Variants in SIK3 observed in about 807,000 individuals in gnomAD.
The protein encoded by SIK3 is SIK family kinase 3.
A neutral mutation model predicts 144.2 loss-of-function variants in SIK3; 28 were observed. The observed-to-expected ratio is 0.19, with a 90% CI of 0.14 to 0.27. The LOEUF (loss-of-function observed/expected upper bound fraction) is 0.27, where lower values mean the gene tolerates loss of function less well. Ranked by LOEUF, SIK3 falls within the 10% of genes least tolerant of loss-of-function variation. SIK3 has a pLI of 1.00. For synonymous variants in SIK3, 686 were observed against 676.3 expected (o/e 1.01, Z -0.22); for missense variants, 1,319 against 1,776.0 (o/e 0.74, Z 4.62).
chr11:116,880,984 TGTGGTGGTAC>T (rs1247140161), intron 6 of SIK3, among the ~76,000 whole-genome samples: 1 of 151,562 alleles, frequency 6.6e-6, no homozygotes, highest in Non-Finnish European at 1.5e-5. Flanking sequence ...ATTAGCTGGG[TGTGGTGGTAC>T]ACACCTGTAA....
intron 1 of SIK3, among the ~76,000 whole-genome samples, chr11:116,960,923 G>C (rs1949324160): frequency 6.6e-6 from 1 of 152,224 alleles, no homozygotes; most frequent in Non-Finnish European, 1.5e-5. Context: ...TCCTGGATCT[G>C]AAACACATCA....
At chr11:117,009,490 G>A (rs1951172739) in intron 1 of SIK3, among the ~76,000 whole-genome samples, 1 of 151,800 alleles carries the variant, frequency 6.6e-6, no homozygotes, top group South Asian at 2.1e-4. Flanking sequence ...AGCCCAGGAG[G>A]TTGAGGCTGC....
chr11:116,884,367 T>TG (rs1264069583), intron 6 of SIK3, among the ~76,000 whole-genome samples: 1 of 150,026 alleles, frequency 6.7e-6, no homozygotes, highest in East Asian at 2.0e-4. Context: ...TTTTTTTTTT[T>TG]GATGGAGTCT....
intron 1 of SIK3, among the ~76,000 whole-genome samples, chr11:117,075,647 T>C (rs1236929240): frequency 6.6e-6 from 1 of 150,456 alleles, no homozygotes; most frequent in African/African-American, 2.4e-5. Context: ...GTTCACGCCA[T>C]TCTCCTGCTT....
intron 1 of SIK3, among the ~76,000 whole-genome samples, chr11:117,012,398 C>G (rs139787674): frequency 5.6e-4 from 86 of 152,310 alleles, no homozygotes; most frequent in Non-Finnish European, 1.1e-3. Flanking sequence ...GAACTAGAAT[C>G]TTCATTACAC....
intron 2 of SIK3, 49 bp from the exon 3 acceptor site, chr11:116,954,156 G>C (rs765138353): frequency 5.5e-6 from 8 of 1,464,242 alleles, no homozygotes; most frequent in African/African-American, 1.4e-5. Context: ...ATGACAGGCT[G>C]ATACAGGAAG....
At chr11:117,082,359 G>A (rs571348909) in intron 1 of SIK3, among the ~76,000 whole-genome samples, 1 of 135,920 alleles carries the variant, frequency 7.4e-6, no homozygotes, top group Admixed American at 7.0e-5. Flanking sequence ...ATTCATAATC[G>A]CCAATAAGTA....
chr11:116,958,324 T>C (rs1312646238), intron 1 of SIK3, among the ~76,000 whole-genome samples: 1 of 152,224 alleles, frequency 6.6e-6, no homozygotes, highest in African/African-American at 2.4e-5. Flanking sequence ...TAACTTTATC[T>C]GAAGCTGTTT....
At chr11:117,083,562 T>C (rs941446583) in intron 1 of SIK3, among the ~76,000 whole-genome samples, 2 of 152,188 alleles carry the variant, frequency 1.3e-5, no homozygotes, top group African/African-American at 4.8e-5. Flanking sequence ...ACTAAAAACA[T>C]TATTTTGAGA....
intron 6 of SIK3, among the ~76,000 whole-genome samples, chr11:116,892,261 G>A (rs914318153): frequency 6.6e-6 from 1 of 152,144 alleles, no homozygotes; most frequent in South Asian, 2.1e-4. Context: ...AATAAGTCTG[G>A]TAGAGAAGAT....
intron 1 of SIK3, among the ~76,000 whole-genome samples, chr11:117,094,393 C>A (rs1370963142): frequency 6.6e-6 from 1 of 151,904 alleles, no homozygotes; most frequent in Non-Finnish European, 1.5e-5. Context: ...TCACTTGAGT[C>A]CAGAAGTTCA....
At chr11:117,021,958 A>C (rs1162052588) in intron 1 of SIK3, among the ~76,000 whole-genome samples, 3 of 147,260 alleles carry the variant, frequency 2.0e-5, no homozygotes, top group African/African-American at 5.0e-5. Flanking sequence ...AAAAAAAAAA[A>C]AAACCTAAAA....
chr11:116,975,630 G>A (rs1227348483), intron 1 of SIK3, among the ~76,000 whole-genome samples: 1 of 152,068 alleles, frequency 6.6e-6, no homozygotes, highest in Admixed American at 6.5e-5. Context: ...CATTTTGGTT[G>A]TTCTGCTTTT....
At chr11:116,857,096 TTAATTA>T (rs1942987361) in intron 21 of SIK3, 1 of 152,220 alleles carries the variant, frequency 6.6e-6, no homozygotes, top group Admixed American at 6.5e-5. Flanking sequence ...AATATACTCA[TTAATTA>T]TAAAGTGGTA....
At chr11:117,024,144 A>G (rs1951912521) in intron 1 of SIK3, among the ~76,000 whole-genome samples, 2 of 152,170 alleles carry the variant, frequency 1.3e-5, no homozygotes, top group African/African-American at 4.8e-5. Flanking sequence ...AAACAAGGGT[A>G]CATAAGCATC....
In SIK3 at chr11:117,013,972, C is replaced by CTTTTTTTTTTTTTTTTTTTTTTTTTTTTT. The variant is rs71037442; in HGVS notation, c.274-56909_274-56908insAAAAAAAAAAAAAAAAAAAAAAAAAAAAA. On this transcript the variant is annotated intron_variant, in intron 1 of 24. Coordinates refer to ENST00000445177, the MANE Select transcript of SIK3 (RefSeq NM_001366686.3). Reference sequence around the variant, plus strand: ...TGTGTTTTATTTCTTTTTTTCTTTTCTTTTTTTTTTTTTTTTTTTTTTGAG... The same window carrying CTTTTTTTTTTTTTTTTTTTTTTTTTTTTT: ...TGTGTTTTATTTCTTTTTTTCTTTTCTTTTTTTTTTTTTTTTTTTTTTTTTTTTTTTTTTTTTTTTTTTTTTTTTTTGAG... Among the ~76,000 whole-genome samples, 32 of 27,054 alleles carry CTTTTTTTTTTTTTTTTTTTTTTTTTTTTT rather than the reference C, an allele frequency of 1.2e-3. 10 individuals are homozygous for CTTTTTTTTTTTTTTTTTTTTTTTTTTTTT. The highest frequency in any genetic ancestry group is 1.9e-3 in the Non-Finnish European group (26 of 13,428). 17.7% of individuals were successfully genotyped at this position (27,054 alleles called of 152,430 possible).
At chr11:116,959,751 G>A (rs1949273971) in intron 1 of SIK3, among the ~76,000 whole-genome samples, 1 of 152,166 alleles carries the variant, frequency 6.6e-6, no homozygotes, top group Non-Finnish European at 1.5e-5. Flanking sequence ...CACGTGGGTA[G>A]ATAACAATAG....
intron 21 of SIK3, among the ~76,000 whole-genome samples, chr11:116,850,704 T>C (rs1200659039): frequency 1.3e-5 from 2 of 152,246 alleles, no homozygotes; most frequent in Non-Finnish European, 2.9e-5. Flanking sequence ...CCCAGTATTA[T>C]GATCTCTTTC....
intron 1 of SIK3, among the ~76,000 whole-genome samples, chr11:117,074,377 T>C (rs1002943514): frequency 1.3e-5 from 2 of 152,170 alleles, no homozygotes; most frequent in African/African-American, 4.8e-5. Flanking sequence ...TTGGGTAAAG[T>C]AGACAGATAC....
Sources: gnomAD v4.1 joint callset for allele counts (sites outside exome capture counted in the v4.1 genomes callset) on GRCh38, gnomAD v4.1.1 for gene constraint, MANE v1.5 for transcripts, NCBI Gene and HGNC (gene_info 2026-07-23, HGNC 2026-07-21) for gene names.